LRMDA: variants seen among roughly 807,000 people sequenced by gnomAD.
LRMDA encodes the protein leucine-rich melanocyte differentiation-associated protein.
Under a neutral mutation model 29.8 loss-of-function variants are expected in LRMDA, and 18 were observed. The observed-to-expected ratio is 0.60, with a 90% CI of 0.42 to 0.90. LRMDA has a LOEUF of 0.90. Among genes scored for constraint, LRMDA ranks in the 40% least tolerant of loss-of-function variants. The pLI, the probability that LRMDA is intolerant of heterozygous loss-of-function variation, is 0.00. For missense variants in LRMDA, 273 were observed against 273.9 expected (o/e 1.00, Z 0.02); for synonymous variants, 125 against 109.4 (o/e 1.14, Z -0.89).
At chr10:75,490,084 G>A (rs576570910) in intron 2 of LRMDA, among the ~76,000 whole-genome samples, 30 of 152,188 alleles carry the variant, frequency 2.0e-4, no homozygotes, top group African/African-American at 7.2e-4. Context: ...ATAATCCTAT[G>A]TGTAAGGCAC....
chr10:76,023,608 G>A (rs1027421167), intron 2 of LRMDA, among the ~76,000 whole-genome samples: 1 of 152,138 alleles, frequency 6.6e-6, no homozygotes, highest in Non-Finnish European at 1.5e-5. Context: ...TAGCCTAGCC[G>A]CCTTAGTTTA....
chr10:76,401,206 T>C (rs111621200), intron 6 of LRMDA, among the ~76,000 whole-genome samples: 16 of 152,008 alleles, frequency 1.1e-4, no homozygotes, highest in African/African-American at 3.9e-4. Flanking sequence ...ACTCAATGGA[T>C]GGTATGCTCC....
chr10:76,519,458 G>T (rs1843097278), intron 6 of LRMDA, among the ~76,000 whole-genome samples: 1 of 152,152 alleles, frequency 6.6e-6, no homozygotes, highest in African/African-American at 2.4e-5. Context: ...TATATTCAAA[G>T]AAAAGTAAAT....
intron 2 of LRMDA, among the ~76,000 whole-genome samples, chr10:75,668,810 G>A (rs1180249161): frequency 1.3e-5 from 2 of 152,090 alleles, no homozygotes; most frequent in East Asian, 3.9e-4. Flanking sequence ...AGGAATGTGG[G>A]GACTCCAGAG....
chr10:75,838,577 A>G (rs1303214042), intron 2 of LRMDA, among the ~76,000 whole-genome samples: 11 of 152,168 alleles, frequency 7.2e-5, no homozygotes, highest in Non-Finnish European at 5.9e-5. Flanking sequence ...TGAAAAAGTC[A>G]AGCCTCTTGC....
chr10:76,470,057 A>G (rs974507982), intron 6 of LRMDA, among the ~76,000 whole-genome samples: 1 of 152,094 alleles, frequency 6.6e-6, no homozygotes, highest in South Asian at 2.1e-4. Flanking sequence ...GAAAAAAAAT[A>G]AAAAAACTAT....
chr10:76,395,300 G>C (rs986134791), intron 6 of LRMDA, among the ~76,000 whole-genome samples: 3 of 152,046 alleles, frequency 2.0e-5, no homozygotes, highest in African/African-American at 7.2e-5. Flanking sequence ...TCTCATAATT[G>C]CCTCATTATT....
chr10:75,542,102 A>C (rs1257043056), intron 2 of LRMDA, among the ~76,000 whole-genome samples: 1 of 152,182 alleles, frequency 6.6e-6, no homozygotes, highest in African/African-American at 2.4e-5. Flanking sequence ...GTGGAGGGTC[A>C]CCAGTGTATT....
At chr10:76,319,530 T>G (rs1348927631) in intron 5 of LRMDA, among the ~76,000 whole-genome samples, 1 of 152,192 alleles carries the variant, frequency 6.6e-6, no homozygotes, top group East Asian at 1.9e-4. Flanking sequence ...ATAGTATGTT[T>G]TTTTTTATGA....
chr10:76,547,148 G>A (rs962107665), intron 6 of LRMDA, among the ~76,000 whole-genome samples: 2 of 151,940 alleles, frequency 1.3e-5, no homozygotes, highest in African/African-American at 2.4e-5. Context: ...TCAAATGATG[G>A]CATATCTTTT....
chr10:76,293,985 G>GT (rs1589414913), intron 5 of LRMDA, among the ~76,000 whole-genome samples: 1 of 152,238 alleles, frequency 6.6e-6, no homozygotes, highest in East Asian at 1.9e-4. Context: ...GGTTGTTTTG[G>GT]TGCTTGTTTT....
At chr10:75,675,842 T>C (rs1266984551) in intron 2 of LRMDA, among the ~76,000 whole-genome samples, 1 of 152,180 alleles carries the variant, frequency 6.6e-6, no homozygotes, top group East Asian at 1.9e-4. Context: ...ATTAGAGCCT[T>C]TTGAAATCTG....
At chr10:76,323,085 A>G (rs954933699) in intron 5 of LRMDA, among the ~76,000 whole-genome samples, 1 of 152,200 alleles carries the variant, frequency 6.6e-6, no homozygotes, top group East Asian at 1.9e-4. Context: ...TTGTGGACCC[A>G]ATAGCCTTGG....
intron 6 of LRMDA, among the ~76,000 whole-genome samples, chr10:76,423,055 T>C (rs923635251): frequency 1.3e-5 from 2 of 152,238 alleles, no homozygotes; most frequent in African/African-American, 4.8e-5. Flanking sequence ...GAATGTCCTC[T>C]TTTATAGCAA....
chr10:76,001,011 G>A (rs1847553631), intron 2 of LRMDA, among the ~76,000 whole-genome samples: 1 of 152,120 alleles, frequency 6.6e-6, no homozygotes, highest in South Asian at 2.1e-4. Context: ...CCCCGGGGAG[G>A]CACCCCAAGT....
At chr10:75,523,114 C>G (rs932397411) in intron 2 of LRMDA, among the ~76,000 whole-genome samples, 3 of 152,200 alleles carry the variant, frequency 2.0e-5, no homozygotes, top group African/African-American at 7.2e-5. Context: ...GCCCTCTTTC[C>G]TCATGAAGGT....
intron 6 of LRMDA, among the ~76,000 whole-genome samples, chr10:76,424,928 A>G (rs1842108259): frequency 6.6e-6 from 1 of 152,212 alleles, no homozygotes; most frequent in South Asian, 2.1e-4. Flanking sequence ...TAGAGTTTTA[A>G]TCTTCTAAAC....
intron 5 of LRMDA, among the ~76,000 whole-genome samples, chr10:76,282,208 T>A (rs1840215022): frequency 1.3e-5 from 2 of 152,230 alleles, no homozygotes; most frequent in African/African-American, 4.8e-5. Context: ...TGACCTGCAG[T>A]ATATTCAGTA....
chr10:75,739,794 T>G (rs188451002), intron 2 of LRMDA, among the ~76,000 whole-genome samples: 25 of 152,386 alleles, frequency 1.6e-4, no homozygotes, highest in Admixed American at 1.1e-3. Context: ...CAGATGTTAG[T>G]GTCTGTCGGT....
Sources: gnomAD v4.1 joint callset for allele counts (sites outside exome capture counted in the v4.1 genomes callset) on GRCh38, gnomAD v4.1.1 for gene constraint, MANE v1.5 for transcripts, NCBI Gene and HGNC (gene_info 2026-07-23, HGNC 2026-07-21) for gene names.